Variants in ZNF385D observed in about 807,000 individuals in gnomAD.
ZNF385D encodes zinc finger protein 659.
In ZNF385D, 15 loss-of-function variants were observed where a neutral mutation model predicts 35.8. The observed-to-expected ratio is 0.42, with a 90% CI of 0.28 to 0.64. The LOEUF is 0.64. ZNF385D is among the 30% of genes least tolerant of loss of function. The pLI is 0.23. For missense variants in ZNF385D, 474 were observed against 494.6 expected, an observed-to-expected ratio of 0.96 and a Z score of 0.39; for synonymous variants, 212 against 186.8, an observed-to-expected ratio of 1.13 and a Z score of -1.10.
rs550919432 is a variant in ZNF385D at position 22,140,755 on chromosome 3, T to C, written c.325+28062A>G. On this transcript the variant is annotated intron_variant, in intron 3 of 5. Transcript: ENST00000494108. ...CATTGGAAAAATAACATACATTTTGTGGGAAAATTTGAATCAATATAAATT... is the reference window on the plus strand; with the variant it reads ...CATTGGAAAAATAACATACATTTTGCGGGAAAATTTGAATCAATATAAATT... Among the ~76,000 whole-genome samples, 40 of 152,350 alleles carry C rather than the reference T, an allele frequency of 2.6e-4. No individual in the cohort carries two copies. The South Asian group carries it at 8.1e-3, about 31-fold the overall frequency.
chr3:22,132,051 T>A lies in ZNF385D; in HGVS notation c.325+36766A>T, dbSNP rs56992078. Among the ~76,000 whole-genome samples, 1,185 of 152,226 alleles carry A rather than the reference T, an allele frequency of 7.8e-3. 15 individuals carry two copies. Among genetic ancestry groups the A allele is most frequent in the African/African-American group, 0.027 (1,135 of 41,534 alleles). Reference sequence around the variant, plus strand: ...CTAGAGTTGACATTTTGTTCATCAATTGATAAAGAGGAAAAAACGTTTAGG... The same window carrying A: ...CTAGAGTTGACATTTTGTTCATCAAATGATAAAGAGGAAAAAACGTTTAGG... On this transcript the variant is annotated intron_variant, in intron 3 of 5. Coordinates refer to the ZNF385D transcript ENST00000494108.
At chr3:21,767,544 G>A (rs1466097673) in intron 3 of ZNF385D, among the ~76,000 whole-genome samples, 1 of 152,010 alleles carries the variant, frequency 6.6e-6, no homozygotes, top group Non-Finnish European at 1.5e-5. Context: ...TGAAGACAGA[G>A]CCAGAGTCAC....
At chr3:22,314,039 T>G (rs1703744638) in intron 2 of ZNF385D, among the ~76,000 whole-genome samples, 1 of 152,190 alleles carries the variant, frequency 6.6e-6, no homozygotes, top group Non-Finnish European at 1.5e-5. Flanking sequence ...CACTCTGAGT[T>G]ACTCTAGCTC....
At chr3:21,729,877 C>T (rs2068918887) in intron 1 of ZNF385D, among the ~76,000 whole-genome samples, 2 of 152,080 alleles carry the variant, frequency 1.3e-5, no homozygotes, top group African/African-American at 4.8e-5. Flanking sequence ...TATTAAATTC[C>T]CTCCTGCTGG....
At chr3:21,818,748 G>C (rs1018852261) in intron 3 of ZNF385D, among the ~76,000 whole-genome samples, 1 of 151,874 alleles carries the variant, frequency 6.6e-6, no homozygotes, top group South Asian at 2.1e-4. Context: ...TGTGGAGGTA[G>C]GTAATGAACA....
chr3:22,152,748 T>C (rs1315208401), intron 3 of ZNF385D, among the ~76,000 whole-genome samples: 8 of 152,182 alleles, frequency 5.3e-5, no homozygotes, highest in South Asian at 2.1e-4. Context: ...ATCACGTATG[T>C]GGAGTTCCTT....
At chr3:21,835,518 C>CT (rs1695276267) in intron 3 of ZNF385D, among the ~76,000 whole-genome samples, 2 of 98,916 alleles carry the variant, frequency 2.0e-5, no homozygotes, top group Admixed American at 2.0e-4. Context: ...AGTGATACTA[C>CT]TTAAAAAAAA....
chr3:21,560,700 A>C (rs1041333905), intron 3 of ZNF385D, among the ~76,000 whole-genome samples: 2 of 152,158 alleles, frequency 1.3e-5, no homozygotes, highest in Non-Finnish European at 2.9e-5. Context: ...CTCTCTTCAG[A>C]GTCATCAGGC....
At chr3:21,643,413 C>T (rs563820655) in intron 2 of ZNF385D, among the ~76,000 whole-genome samples, 17 of 152,084 alleles carry the variant, frequency 1.1e-4, no homozygotes, top group Non-Finnish European at 1.5e-4. Context: ...CAGCTGTATC[C>T]TCCATCTTCA....
intron 2 of ZNF385D, among the ~76,000 whole-genome samples, chr3:22,185,452 G>T (rs145125324): frequency 0.014 from 2,054 of 152,146 alleles, 26 homozygotes; most frequent in Non-Finnish European, 0.022. Context: ...ATTTAAATAT[G>T]ATCTACCCAT....
chr3:21,972,446 G>T (rs544130094), intron 3 of ZNF385D, among the ~76,000 whole-genome samples: 1 of 151,902 alleles, frequency 6.6e-6, no homozygotes, highest in South Asian at 2.1e-4. Flanking sequence ...GTACTAAGAG[G>T]AAAGTTTATA....
intron 2 of ZNF385D, among the ~76,000 whole-genome samples, chr3:21,605,628 T>A (rs914137538): frequency 2.6e-5 from 4 of 152,182 alleles, no homozygotes; most frequent in African/African-American, 9.7e-5. Context: ...GTCTGACTGA[T>A]TCCCATGGCA....
At chr3:22,249,764 T>C (rs1699972691) in intron 2 of ZNF385D, among the ~76,000 whole-genome samples, 1 of 152,198 alleles carries the variant, frequency 6.6e-6, no homozygotes, top group Non-Finnish European at 1.5e-5. Context: ...GAGCCTCAAC[T>C]TCTAACTGTT....
chr3:22,203,096 C>G (rs1318286836), intron 2 of ZNF385D, among the ~76,000 whole-genome samples: 1 of 152,066 alleles, frequency 6.6e-6, no homozygotes, highest in Non-Finnish European at 1.5e-5. Flanking sequence ...CTCCCTCAAT[C>G]CCAGGCAGTG....
chr3:22,295,144 C>A (rs1470841232), intron 2 of ZNF385D, among the ~76,000 whole-genome samples: 2 of 151,936 alleles, frequency 1.3e-5, no homozygotes, highest in African/African-American at 4.8e-5. Flanking sequence ...GAATTATATA[C>A]CATAGATAAC....
intron 3 of ZNF385D, among the ~76,000 whole-genome samples, chr3:21,897,310 T>C (rs1297004868): frequency 5.3e-5 from 8 of 152,098 alleles, no homozygotes; most frequent in Admixed American, 5.2e-4. Flanking sequence ...CTGATATTGA[T>C]TACTAAGAAC....
intron 3 of ZNF385D, among the ~76,000 whole-genome samples, chr3:22,163,747 G>C (rs4858030): frequency 0.13 from 19,367 of 152,014 alleles, 1,633 homozygotes; most frequent in Admixed American, 0.23. Context: ...TTTCTTTCTT[G>C]ACATACCATA....
rs570518289 is a variant in ZNF385D, at chr3:21,599,282, C to A, written c.166-34598G>T. 2.6e-5 allele frequency among the ~76,000 whole-genome samples: 4 copies of A among 152,242 alleles called. No individual in the cohort carries two copies. In the South Asian group the frequency reaches 8.3e-4, roughly 32 times the overall value. ...CAGAAAGATCTTTTGAGGGATAAATCAAAATCATAGTGTTTGTTTGGCAAA... is the reference window on the plus strand; with the variant it reads ...CAGAAAGATCTTTTGAGGGATAAATAAAAATCATAGTGTTTGTTTGGCAAA... On this transcript the variant is annotated intron_variant, in intron 2 of 7. Transcript: ENST00000281523.
At chr3:22,346,656 T>G (rs1695671750) in intron 2 of ZNF385D, among the ~76,000 whole-genome samples, 3 of 152,186 alleles carry the variant, frequency 2.0e-5, no homozygotes, top group Admixed American at 2.0e-4. Context: ...CCATTTGCCT[T>G]TTATACAATT....
Sources: allele counts gnomAD v4.1 joint callset (sites outside exome capture counted in the v4.1 genomes callset), GRCh38; gene constraint gnomAD v4.1.1; transcripts MANE v1.5; gene names NCBI Gene and HGNC (gene_info 2026-07-23, HGNC 2026-07-21).